MYO5C: variants seen among roughly 807,000 people sequenced by gnomAD.
MYO5C encodes the protein unconventional myosin-Vc.
Under a neutral mutation model 235.7 loss-of-function variants are expected in MYO5C, and 194 were observed. That is an observed-to-expected ratio of 0.82 (90% CI 0.73 to 0.93). MYO5C has a LOEUF of 0.93. Ranked by LOEUF, MYO5C falls within the 40% of genes least tolerant of loss-of-function variation. MYO5C has a pLI of 0.00. For missense variants in MYO5C, 2,038 were observed against 2,127.2 expected, an observed-to-expected ratio of 0.96 and a Z score of 0.82; for synonymous variants, 707 against 754.8, an observed-to-expected ratio of 0.94 and a Z score of 1.04.
chr15:52,295,560 C>T, intron 1 of MYO5C, 50 bp downstream of exon 1: 1 of 1,496,276 alleles, frequency 6.7e-7, no homozygotes, highest in Non-Finnish European at 8.9e-7. Flanking sequence ...TCAGCGTTAG[C>T]AGGGCCGGCT....
chr15:52,278,538 TAA>T (rs67156072), intron 4 of MYO5C, among the ~76,000 whole-genome samples: 8 of 137,206 alleles, frequency 5.8e-5, no homozygotes, highest in Non-Finnish European at 6.4e-5. Context: ...CTGCAATGGG[TAA>T]AAAAAAAAAA....
At chr15:52,253,608 C>T (rs1218873480) in intron 11 of MYO5C, 151 bp from the exon 12 acceptor site, 21 of 741,900 alleles carry the variant, frequency 2.8e-5, no homozygotes, top group Non-Finnish European at 3.9e-5. Flanking sequence ...AGGCCCATAC[C>T]GTGATCAATA....
chr15:52,214,430 G>A (rs1378616997), intron 33 of MYO5C, among the ~76,000 whole-genome samples, 173 bp downstream of exon 33: 1 of 152,210 alleles, frequency 6.6e-6, no homozygotes, highest in Non-Finnish European at 1.5e-5. Flanking sequence ...GTGGGAGGGA[G>A]CTGTCTTCCT....
At chr15:52,217,466 G>T (rs190882035) in intron 32 of MYO5C, among the ~76,000 whole-genome samples, 1 of 152,186 alleles carries the variant, frequency 6.6e-6, no homozygotes, top group African/African-American at 2.4e-5. Flanking sequence ...CTCCCTGACC[G>T]CTGACTCCAT....
At position 52,244,492 on chromosome 15, in the gene MYO5C, G is replaced by A. The variant is rs764090555; in HGVS notation, c.2254C>T (p.Arg752Ter). The A allele has an allele frequency of 1.9e-6, 3 of 1,614,084 alleles. No homozygotes were observed. Among genetic ancestry groups the A allele is most frequent in the East Asian group, 2.2e-5 (1 of 44,884 alleles). ...CAACTCTGCCTCAGTTTATCCAATCGAAGTTTCTCTAAATAAGCCACTTGT... is the reference window on the plus strand; with the variant it reads ...CAACTCTGCCTCAGTTTATCCAATCAAAGTTTCTCTAAATAAGCCACTTGT... ...AGQVAYLEKLRLDKLRQSCVM... is the reference protein window; with the variant it reads ...AGQVAYLEKL The change falls in exon 19 of 41, where the codon CGA becomes TGA. Residue 752 changes from arginine (R) to a stop codon, truncating the protein, a stop_gained. Transcript: ENST00000261839. LOFTEE classifies it high-confidence loss of function.
chr15:52,210,889 C>G (rs1329372063), intron 35 of MYO5C, among the ~76,000 whole-genome samples: 1 of 152,184 alleles, frequency 6.6e-6, no homozygotes, highest in Admixed American at 6.5e-5. Flanking sequence ...AAATCCCGCC[C>G]TTTGTCATTG....
In MYO5C at chr15:52,246,949, G is replaced by T. The variant is rs376357974; in HGVS notation, c.1947C>A (p.Cys649Ter). ...LNATTPHYVR[C>*]IKPNDEKLPF... ...GTAACTTCTCATCATTTGGCTTGATGCATCGAACGTAGTGGGGCGTCGTCG... is the reference window on the plus strand; with the variant it reads ...GTAACTTCTCATCATTTGGCTTGATTCATCGAACGTAGTGGGGCGTCGTCG... The change falls in exon 16 of 41, where the codon TGC (cysteine) becomes TGA (stop). Residue 649 changes from cysteine (C) to a stop codon, truncating the protein, a stop_gained. Transcript: ENST00000261839. LOFTEE classifies it high-confidence loss of function. 1.2e-6 allele frequency: 2 copies of T among 1,614,140 alleles called. No homozygotes were observed. The highest frequency in any genetic ancestry group is 1.7e-6 in the Non-Finnish European group (2 of 1,179,982).
At chr15:52,230,802 A>C (rs2141299936) in intron 24 of MYO5C, among the ~76,000 whole-genome samples, 1 of 151,344 alleles carries the variant, frequency 6.6e-6, no homozygotes, top group East Asian at 2.0e-4. Flanking sequence ...CCTTTGAAAA[A>C]GGAAAAGGCA....
At chr15:52,249,342 T>C (rs1293668181) in intron 13 of MYO5C, among the ~76,000 whole-genome samples, 2 of 152,180 alleles carry the variant, frequency 1.3e-5, no homozygotes, top group Non-Finnish European at 2.9e-5. Flanking sequence ...TGAAGAAGGC[T>C]TCTCGAATGC....
At chr15:52,239,407 G>A (rs1055713325) in intron 21 of MYO5C, among the ~76,000 whole-genome samples, 1 of 152,220 alleles carries the variant, frequency 6.6e-6, no homozygotes, top group Non-Finnish European at 1.5e-5. Flanking sequence ...CATGCGGACA[G>A]CATCTTTGAG....
At chr15:52,273,309 C>A (rs533484118) in intron 5 of MYO5C, among the ~76,000 whole-genome samples, 5 of 152,160 alleles carry the variant, frequency 3.3e-5, no homozygotes, top group Admixed American at 1.3e-4. Context: ...GGTAACTTAG[C>A]GAGACCCTGT....
rs1596241061 is a variant in MYO5C at position 52,291,738 on chromosome 15, T to TTTTTTTTTTGTTTTG, written c.27+3871_27+3872insCAAAACAAAAAAAAA. Among the ~76,000 whole-genome samples, 4 of 80,236 alleles carry TTTTTTTTTTGTTTTG rather than the reference T, an allele frequency of 5.0e-5. 1 individual carries two copies. The highest frequency in any genetic ancestry group is 2.3e-4 in the East Asian group (1 of 4,422). The allele number at this position is 80,236 out of a possible 152,430, so 52.6% of individuals were successfully genotyped here. ...TTTGTTTGCATATTTTATGTTTTTT[T>TTTTTTTTTTGTTTTG]TTTTTTTTTTTTTTTTTTGAGACAG... On this transcript the variant is annotated intron_variant, in intron 1 of 40. Coordinates refer to ENST00000261839, the MANE Select transcript of MYO5C (RefSeq NM_018728.4).
At chr15:52,294,559 C>T (rs1304510854) in intron 1 of MYO5C, among the ~76,000 whole-genome samples, 1 of 152,166 alleles carries the variant, frequency 6.6e-6, no homozygotes, top group East Asian at 1.9e-4. Context: ...GCAAAAGCAT[C>T]TTTTAAAGTA....
At chr15:52,234,162 G>T (rs1412356664) in intron 23 of MYO5C, among the ~76,000 whole-genome samples, 1 of 152,252 alleles carries the variant, frequency 6.6e-6, no homozygotes, top group Middle Eastern at 3.2e-3. Context: ...CTGCTCGAAT[G>T]TGATTTACTT....
Position 52,229,308 on chromosome 15 carries a change from A to ACATGGC in MYO5C, c.3031_3032insGCCATG (p.Leu1011delinsArgHisVal). The ACATGGC allele has an allele frequency of 6.2e-7, 1 of 1,611,994 alleles. No homozygotes were observed. Among genetic ancestry groups the ACATGGC allele is most frequent in the Non-Finnish European group, 8.5e-7 (1 of 1,179,898 alleles). ...TGTTTTCAGTTCAAAACTTTTTTCA[A>ACATGGC]GAAGCCTACGCAGCAAAAGAAGAAA... On this transcript the variant is annotated protein_altering_variant, in exon 25 of 41. Transcript: ENST00000261839.
At position 52,237,924 on chromosome 15, in the gene MYO5C, C is replaced by A. The variant is rs965579481; in HGVS notation, c.2704-278G>T. Among the ~76,000 whole-genome samples the A allele has an allele frequency of 3.3e-5, 5 of 151,966 alleles. No individual in the cohort carries two copies. The South Asian group carries it at 6.3e-4, about 19-fold the overall frequency. ...ACCCTAGTGTTATGAACTGTGCCCC[C>A]CGCCAAAATTCATTTGTTGAAGTCC... On this transcript the variant is annotated intron_variant, in intron 21 of 40. Transcript: ENST00000261839.
Position 52,205,005 on chromosome 15 carries a change from G to A in MYO5C, c.4680C>T (p.Thr1560=), listed in dbSNP as rs923904725. ...SVLQQLSYFY[T]TMCQNGLDPE... is the part of the protein sequence containing the mutation. ...GGTCCAGGCCGTTCTGGCACATGGT[G>A]GTGTAAAAGTAGCTCAGCTGTTGCA... is the stretch of plus-strand genomic sequence containing the variant. Residue 1560 remains threonine, a synonymous_variant, in exon 38 of 41, where the codon ACC becomes ACT. Coordinates refer to ENST00000261839, the MANE Select transcript of MYO5C (RefSeq NM_018728.4). The A allele has an allele frequency of 1.9e-6, 3 of 1,614,226 alleles. No homozygotes were observed. Among genetic ancestry groups the A allele is most frequent in the Middle Eastern group, 3.3e-4 (2 of 6,062 alleles).
At chr15:52,202,982 G>A (rs572562775) in intron 38 of MYO5C, among the ~76,000 whole-genome samples, 31 of 151,240 alleles carry the variant, frequency 2.0e-4, no homozygotes, top group African/African-American at 5.6e-4. Flanking sequence ...GTGCTGAGGC[G>A]CGATCTTGGC....
chr15:52,209,768 A>G lies in MYO5C; in HGVS notation c.4297-1125T>C, dbSNP rs748940090. On this transcript the variant is annotated intron_variant, in intron 35 of 40. Transcript: ENST00000261839. ...CATCAATTTATGGGAGCCCCTTCCA[A>G]AAACACTGTGGTGGCTCCTGTGAAG... Among the ~76,000 whole-genome samples the G allele has an allele frequency of 1.4e-4, 21 of 152,268 alleles. No individual in the cohort carries two copies. The Middle Eastern group carries it at 0.01, about 74-fold the overall frequency.
Sources: allele counts gnomAD v4.1 joint callset (sites outside exome capture counted in the v4.1 genomes callset), GRCh38; gene constraint gnomAD v4.1.1; transcripts MANE v1.5; gene names NCBI Gene and HGNC (gene_info 2026-07-23, HGNC 2026-07-21).